Variants in FILIP1L observed in about 807,000 individuals in gnomAD.
FILIP1L encodes filamin A-interacting protein 1-like.
Under a neutral mutation model 96.6 loss-of-function variants are expected in FILIP1L, and 55 were observed. The ratio of observed to expected loss-of-function variants is 0.57; its 90% CI spans 0.46 to 0.71. FILIP1L has a LOEUF of 0.71. Ranked by LOEUF, FILIP1L falls within the 30% of genes least tolerant of loss-of-function variation. FILIP1L has a pLI of 0.00. For missense variants in FILIP1L, 1,304 were observed against 1,321.2 expected (o/e 0.99, Z 0.20); for synonymous variants, 467 against 473.9 (o/e 0.99, Z 0.19).
At chr3:99,936,843 A>C (rs992586471) in intron 1 of FILIP1L, among the ~76,000 whole-genome samples, 3 of 152,114 alleles carry the variant, frequency 2.0e-5, no homozygotes, top group African/African-American at 7.2e-5. Context: ...ATCCTGGTTT[A>C]ACATTAATTT....
At chr3:100,052,133 C>T (rs1341050541) in intron 1 of FILIP1L, among the ~76,000 whole-genome samples, 4 of 151,970 alleles carry the variant, frequency 2.6e-5, no homozygotes, top group Non-Finnish European at 4.4e-5. Flanking sequence ...GAGTTCAGTT[C>T]CTTTAGAACT....
At chr3:99,987,486 G>A (rs1709376801) in intron 1 of FILIP1L, among the ~76,000 whole-genome samples, 2 of 144,028 alleles carry the variant, frequency 1.4e-5, no homozygotes, top group Non-Finnish European at 3.0e-5. Flanking sequence ...CCAAGATTGT[G>A]CCACTGCACT....
intron 4 of FILIP1L, among the ~76,000 whole-genome samples, chr3:99,888,088 A>G (rs1309273531): frequency 2.6e-5 from 4 of 152,170 alleles, no homozygotes; most frequent in East Asian, 3.8e-4. Flanking sequence ...TCTTCGGACA[A>G]TTGGTGATGT....
At chr3:100,088,563 C>T (rs144028753) in intron 1 of FILIP1L, among the ~76,000 whole-genome samples, 5 of 152,162 alleles carry the variant, frequency 3.3e-5, no homozygotes, top group Middle Eastern at 3.4e-3. Flanking sequence ...GCTGAGAAAA[C>T]GATTACATTT....
rs1943467915 is a variant in FILIP1L at position 99,848,363 on chromosome 3, T to C, written c.3313A>G (p.Asn1105Asp). Residue 1105 changes from asparagine (N) to aspartate (D), a missense_variant, in exon 5 of 6, where the codon AAT (asparagine) becomes GAT (aspartate). Asn to Asp is a conservative substitution (Grantham distance 23). Transcript: ENST00000477258. Reference protein sequence around the residue: ...LINGALNKTTNKVTSSITITP... With the variant: ...LINGALNKTTDKVTSSITITP... Reference sequence around the variant, plus strand: ...ATAGTAATACTGCTGGTGACTTTATTGGTTGTTTTGTTTAGTGCCCCGTTA... The same window carrying C: ...ATAGTAATACTGCTGGTGACTTTATCGGTTGTTTTGTTTAGTGCCCCGTTA... 1.9e-6 allele frequency: 3 copies of C among 1,614,064 alleles called. No individual in the cohort carries two copies. The Admixed American group carries it at 5.0e-5, about 27-fold the overall frequency.
At chr3:99,836,646 C>T (rs994302463) in intron 5 of FILIP1L, among the ~76,000 whole-genome samples, 1 of 152,192 alleles carries the variant, frequency 6.6e-6, no homozygotes, top group South Asian at 2.1e-4. Context: ...GTGCCCACAT[C>T]CTCTGCACAA....
chr3:99,975,886 GTC>G (rs1708955017), intron 1 of FILIP1L, among the ~76,000 whole-genome samples: 1 of 152,122 alleles, frequency 6.6e-6, no homozygotes. Flanking sequence ...GTAATAAAAT[GTC>G]TCTTTTTGTT....
At chr3:99,940,723 C>G (rs1707826516) in intron 1 of FILIP1L, among the ~76,000 whole-genome samples, 1 of 152,218 alleles carries the variant, frequency 6.6e-6, no homozygotes. Flanking sequence ...TTTTTGTGAA[C>G]CATCTTCCTC....
chr3:99,896,758 G>A (rs1016027338), intron 4 of FILIP1L, among the ~76,000 whole-genome samples: 3 of 152,094 alleles, frequency 2.0e-5, no homozygotes, highest in African/African-American at 7.2e-5. Context: ...ATTCTATAAG[G>A]TTCCAGAGGA....
intron 1 of FILIP1L, among the ~76,000 whole-genome samples, chr3:100,031,880 C>T (rs1239144943): frequency 2.6e-5 from 4 of 152,170 alleles, no homozygotes; most frequent in African/African-American, 9.7e-5. Flanking sequence ...TAAACTAGGT[C>T]AAAATCAGCC....
intron 1 of FILIP1L, among the ~76,000 whole-genome samples, chr3:99,992,937 A>T (rs2107138895): frequency 6.6e-6 from 1 of 152,006 alleles, no homozygotes; most frequent in Middle Eastern, 3.4e-3. Context: ...TTCCTAATGT[A>T]TATTTTTGTT....
At position 99,849,776 on chromosome 3, in the gene FILIP1L, T is replaced by A; in HGVS notation, c.1900A>T (p.Arg634Ter). 1 of 1,613,742 alleles carries A rather than the reference T, an allele frequency of 6.2e-7. No individual in the cohort carries two copies. Among genetic ancestry groups the A allele is most frequent in the Non-Finnish European group, 8.5e-7 (1 of 1,180,006 alleles). ...KIKELSQEVERLKLKLKDMKA... is the reference protein window; with the variant it reads ...KIKELSQEVE ...ATGTCCTTTAGCTTCAGTTTCAGTC[T>A]TTCCACTTCTTGAGAGAGCTCCTTA... The change falls in exon 5 of 6, where the codon AGA becomes TGA. Residue 634 changes from arginine (R) to a stop codon, truncating the protein, a stop_gained. Coordinates refer to ENST00000477258, the MANE Select transcript of FILIP1L (RefSeq NM_001387850.1). LOFTEE classifies it high-confidence loss of function.
intron 4 of FILIP1L, among the ~76,000 whole-genome samples, chr3:99,891,892 T>G (rs1706093322): frequency 1.3e-5 from 2 of 152,196 alleles, no homozygotes; most frequent in Non-Finnish European, 1.5e-5. Flanking sequence ...TAGTCATTCT[T>G]AGGTCTACAT....
intron 4 of FILIP1L, among the ~76,000 whole-genome samples, chr3:99,869,030 A>G (rs1274765847): frequency 6.6e-6 from 1 of 152,208 alleles, no homozygotes; most frequent in Non-Finnish European, 1.5e-5. Flanking sequence ...GAGAGGTAAA[A>G]AGAACCACTT....
intron 1 of FILIP1L, among the ~76,000 whole-genome samples, chr3:100,074,840 C>T (rs1217198603): frequency 2.6e-5 from 4 of 151,238 alleles, no homozygotes; most frequent in East Asian, 3.9e-4. Context: ...ATTACAGGTG[C>T]GCACCACCAC....
At chr3:100,109,920 C>T (rs1180372456) in intron 1 of FILIP1L, 2 of 120,248 alleles carry the variant, frequency 1.7e-5, no homozygotes, top group South Asian at 3.3e-4. Context: ...CCCCCCAGCA[C>T]CACCCCCCAG....
intron 1 of FILIP1L, among the ~76,000 whole-genome samples, chr3:99,938,759 G>A (rs914827896): frequency 2.0e-5 from 3 of 152,084 alleles, no homozygotes; most frequent in African/African-American, 7.2e-5. Flanking sequence ...GCGCTCAGTT[G>A]CAGAACAGCC....
chr3:100,089,321 G>T (rs1284185888), intron 1 of FILIP1L, among the ~76,000 whole-genome samples: 1 of 152,066 alleles, frequency 6.6e-6, no homozygotes, highest in Non-Finnish European at 1.5e-5. Flanking sequence ...ATTACTACAC[G>T]CATATCCACA....
chr3:99,907,406 C>T (rs1166610283), intron 4 of FILIP1L, among the ~76,000 whole-genome samples: 2 of 152,078 alleles, frequency 1.3e-5, no homozygotes, highest in Non-Finnish European at 2.9e-5. Context: ...CACCACCACG[C>T]CCAACTAATT....
Sources: gnomAD v4.1 joint callset for allele counts (sites outside exome capture counted in the v4.1 genomes callset) on GRCh38, gnomAD v4.1.1 for gene constraint, MANE v1.5 for transcripts, NCBI Gene and HGNC (gene_info 2026-07-23, HGNC 2026-07-21) for gene names.